HCN1: variants seen among roughly 807,000 people sequenced by gnomAD.
The protein encoded by HCN1 is potassium/sodium hyperpolarization-activated cyclic nucleotide-gated channel 1.
In HCN1, 13 loss-of-function variants were observed where a neutral mutation model predicts 78.9. The observed-to-expected ratio is 0.16, with a 90% CI of 0.11 to 0.26. The LOEUF is 0.26. Ranked by LOEUF, HCN1 falls within the 10% of genes least tolerant of loss-of-function variation. The pLI is 1.00. For synonymous variants in HCN1, 552 were observed against 455.5 expected (o/e 1.21, Z -2.70); for missense variants, 810 against 1,154.3 (o/e 0.70, Z 4.32).
intron 4 of HCN1, among the ~76,000 whole-genome samples, chr5:45,378,756 A>T (rs543876112): frequency 2.0e-5 from 3 of 152,156 alleles, no homozygotes; most frequent in South Asian, 4.1e-4. Flanking sequence ...ATATCTCCTA[A>T]TGCTATCCCT....
intron 2 of HCN1, among the ~76,000 whole-genome samples, chr5:45,467,920 C>T (rs2111642342): frequency 6.6e-6 from 1 of 152,154 alleles, no homozygotes; most frequent in African/African-American, 2.4e-5. Flanking sequence ...CTCTGTTTAG[C>T]TTCTCAAACA....
intron 2 of HCN1, among the ~76,000 whole-genome samples, chr5:45,472,540 G>C (rs370647148): frequency 2.1e-5 from 3 of 140,390 alleles, no homozygotes; most frequent in African/African-American, 7.7e-5. Flanking sequence ...GGAAGGGAGG[G>C]AGGGAGGGAT....
chr5:45,609,701 TA>T (rs1443699961), intron 2 of HCN1, among the ~76,000 whole-genome samples: 1 of 152,096 alleles, frequency 6.6e-6, no homozygotes, highest in Non-Finnish European at 1.5e-5. Context: ...AATGCACAGG[TA>T]AATGAGGCAG....
At chr5:45,497,347 G>A (rs1437855745) in intron 2 of HCN1, among the ~76,000 whole-genome samples, 2 of 152,142 alleles carry the variant, frequency 1.3e-5, no homozygotes, top group African/African-American at 4.8e-5. Flanking sequence ...AAGATTCTTT[G>A]CAGGTCACTC....
At chr5:45,356,366 T>G (rs142110924) in intron 4 of HCN1, among the ~76,000 whole-genome samples, 5 of 152,024 alleles carry the variant, frequency 3.3e-5, no homozygotes, top group African/African-American at 9.6e-5. Flanking sequence ...TAAAAGTTTC[T>G]GTATAATTAT....
At chr5:45,279,189 C>T (rs1745115788) in intron 6 of HCN1, among the ~76,000 whole-genome samples, 1 of 152,132 alleles carries the variant, frequency 6.6e-6, no homozygotes, top group Non-Finnish European at 1.5e-5. Flanking sequence ...AACAGTCCAA[C>T]AGGTTATCCA....
intron 4 of HCN1, among the ~76,000 whole-genome samples, chr5:45,376,229 ATATATT>A (rs1277543658): frequency 2.8e-5 from 3 of 105,944 alleles, no homozygotes; most frequent in African/African-American, 7.5e-5. Flanking sequence ...TATATATAAT[ATATATT>A]CTATATATTC....
intron 2 of HCN1, chr5:45,575,106 AAAC>A (rs1453153222): frequency 6.6e-6 from 1 of 152,188 alleles, no homozygotes; most frequent in East Asian, 1.9e-4. Flanking sequence ...TGGCTACACT[AAAC>A]AACATATTTT....
At chr5:45,387,311 T>G (rs1244518104) in intron 4 of HCN1, among the ~76,000 whole-genome samples, 1 of 152,126 alleles carries the variant, frequency 6.6e-6, no homozygotes, top group African/African-American at 2.4e-5. Flanking sequence ...TTTCATACTA[T>G]TTATGATACA....
intron 2 of HCN1, among the ~76,000 whole-genome samples, chr5:45,494,123 G>C (rs1182568459): frequency 6.6e-6 from 1 of 152,054 alleles, no homozygotes; most frequent in East Asian, 1.9e-4. Flanking sequence ...CCCAGTAATG[G>C]GATGGCTGGG....
chr5:45,436,888 G>C (rs1740568243), intron 3 of HCN1, among the ~76,000 whole-genome samples: 1 of 152,136 alleles, frequency 6.6e-6, no homozygotes, highest in East Asian at 1.9e-4. Context: ...TGAGCAAAAA[G>C]AGACCAGAGA....
chr5:45,303,972 G>A, intron 5 of HCN1, 133 bp from the exon 6 acceptor site: 2 of 824,856 alleles, frequency 2.4e-6, no homozygotes, highest in Non-Finnish European at 2.0e-6. Flanking sequence ...ATAAATTCTA[G>A]TAATGCGCAT....
At chr5:45,574,273 C>T (rs1743893342) in intron 2 of HCN1, among the ~76,000 whole-genome samples, 1 of 152,080 alleles carries the variant, frequency 6.6e-6, no homozygotes, top group African/African-American at 2.4e-5. Context: ...AGTATGTGCT[C>T]ACATGACACT....
chr5:45,615,898 A>G (rs912861010), intron 2 of HCN1, among the ~76,000 whole-genome samples: 2 of 151,854 alleles, frequency 1.3e-5, no homozygotes, highest in African/African-American at 4.8e-5. Context: ...CAGTTATTCA[A>G]CTCAAAACAC....
In HCN1 at chr5:45,281,628, G is replaced by A. The variant is rs536947047; in HGVS notation, c.1619-14375C>T. ...TTTTGAGACGGAGTCTCACTCTGTT[G>A]CCGGGCTGGAGTGCAGTGGCATGAT... On this transcript the variant is annotated intron_variant, in intron 6 of 7. Transcript: ENST00000303230. 7.8e-3 allele frequency among the ~76,000 whole-genome samples: 871 copies of A among 112,214 alleles called. 9 individuals are homozygous for A. The highest frequency in any genetic ancestry group is 0.03 in the African/African-American group (840 of 28,364). 73.6% of individuals were successfully genotyped at this position (112,214 alleles called of 152,430 possible).
intron 2 of HCN1, 167 bp downstream of exon 2, chr5:45,645,018 T>A: frequency 1.7e-6 from 1 of 580,128 alleles, no homozygotes; most frequent in Non-Finnish European, 3.0e-6. Flanking sequence ...TGATCATATA[T>A]TTTAGGGATA....
chr5:45,687,790 C>T (rs1275049637), intron 1 of HCN1, among the ~76,000 whole-genome samples: 1 of 152,090 alleles, frequency 6.6e-6, no homozygotes, highest in Non-Finnish European at 1.5e-5. Flanking sequence ...CCTCAATGTA[C>T]ACATGCGGGA....
chr5:45,416,643 TA>T (rs1380370879), intron 3 of HCN1, among the ~76,000 whole-genome samples: 1 of 151,974 alleles, frequency 6.6e-6, no homozygotes, highest in Admixed American at 6.6e-5. Context: ...CAGTACTATA[TA>T]TATGCTATTA....
chr5:45,657,098 G>A (rs1053956413), intron 1 of HCN1, among the ~76,000 whole-genome samples: 1 of 152,020 alleles, frequency 6.6e-6, no homozygotes, highest in African/African-American at 2.4e-5. Context: ...AACAAATATC[G>A]AGGGTGTGTG....
Sources: allele counts gnomAD v4.1 joint callset (sites outside exome capture counted in the v4.1 genomes callset), GRCh38; gene constraint gnomAD v4.1.1; transcripts MANE v1.5; gene names NCBI Gene and HGNC (gene_info 2026-07-23, HGNC 2026-07-21).